FAM107B: variants seen among roughly 807,000 people sequenced by gnomAD.
The protein encoded by FAM107B is protein FAM107B.
In FAM107B, 21 loss-of-function variants were observed where a neutral mutation model predicts 31.5. The ratio of observed to expected loss-of-function variants is 0.67; its 90% CI spans 0.47 to 0.96. The LOEUF (loss-of-function observed/expected upper bound fraction) is 0.96, where lower values mean the gene tolerates loss of function less well. Among genes scored for constraint, FAM107B ranks in the 40% least tolerant of loss-of-function variants. The probability of loss-of-function intolerance (pLI) is 0.00; values close to 1 mark genes in which losing one functional copy is unlikely to be tolerated. For missense variants in FAM107B, 452 were observed against 377.1 expected, an observed-to-expected ratio of 1.20 and a Z score of -1.64; for synonymous variants, 157 against 141.5, an observed-to-expected ratio of 1.11 and a Z score of -0.78.
intron 1 of FAM107B, among the ~76,000 whole-genome samples, chr10:14,752,091 C>A (rs1210944471): frequency 6.6e-6 from 1 of 152,206 alleles, no homozygotes; most frequent in Non-Finnish European, 1.5e-5. Flanking sequence ...GATGTCACTC[C>A]CAGCCTGTTG....
chr10:14,704,703 A>G (rs1415702772), intron 1 of FAM107B, among the ~76,000 whole-genome samples: 2 of 152,316 alleles, frequency 1.3e-5, no homozygotes, highest in South Asian at 2.1e-4. Context: ...ACAACTCGAT[A>G]AGAACAAAAC....
At chr10:14,682,984 C>T (rs1031702321) in intron 1 of FAM107B, among the ~76,000 whole-genome samples, 1 of 152,162 alleles carries the variant, frequency 6.6e-6, no homozygotes, top group African/African-American at 2.4e-5. Flanking sequence ...CCTCCTGCAG[C>T]AAAGACTGCA....
intron 2 of FAM107B, among the ~76,000 whole-genome samples, chr10:14,587,383 A>G (rs1851879233): frequency 6.6e-6 from 1 of 152,212 alleles, no homozygotes; most frequent in Non-Finnish European, 1.5e-5. Flanking sequence ...GAACTCCCAT[A>G]TTTATCCAAT....
chr10:14,625,581 C>T (rs1853139436), intron 2 of FAM107B, among the ~76,000 whole-genome samples: 1 of 152,066 alleles, frequency 6.6e-6, no homozygotes, highest in Non-Finnish European at 1.5e-5. Context: ...CATGGTGTGC[C>T]AAAATAGGCA....
At chr10:14,697,321 T>C (rs1855290081) in intron 1 of FAM107B, among the ~76,000 whole-genome samples, 1 of 152,186 alleles carries the variant, frequency 6.6e-6, no homozygotes, top group African/African-American at 2.4e-5. Flanking sequence ...GTCCCCGAAA[T>C]GGAGGCAGAA....
intron 1 of FAM107B, among the ~76,000 whole-genome samples, chr10:14,737,766 T>TCTCTCTC: frequency 7.9e-6 from 1 of 127,050 alleles, no homozygotes; most frequent in Non-Finnish European, 1.6e-5. Flanking sequence ...CGTGCACGCT[T>TCTCTCTC]TCTCTCTCTC....
At chr10:14,579,449 T>G (rs1475068299) in intron 2 of FAM107B, among the ~76,000 whole-genome samples, 2 of 152,184 alleles carry the variant, frequency 1.3e-5, no homozygotes, top group African/African-American at 4.8e-5. Flanking sequence ...ATCTCACAAT[T>G]AGAATAAACA....
chr10:14,567,388 AGAG>A (rs1445874543), intron 2 of FAM107B, among the ~76,000 whole-genome samples: 1 of 152,240 alleles, frequency 6.6e-6, no homozygotes, highest in East Asian at 1.9e-4. Context: ...GAGTGAAATG[AGAG>A]GAGGAGGGAT....
intron 1 of FAM107B, among the ~76,000 whole-genome samples, chr10:14,736,619 T>C (rs1856306164): frequency 6.6e-6 from 1 of 152,192 alleles, no homozygotes; most frequent in African/African-American, 2.4e-5. Context: ...TATAAATCAA[T>C]GCTATTTTCT....
chr10:14,668,518 G>A (rs184438245), intron 1 of FAM107B, among the ~76,000 whole-genome samples: 7 of 152,294 alleles, frequency 4.6e-5, no homozygotes, highest in Non-Finnish European at 1.0e-4. Flanking sequence ...GTCCTGGTAT[G>A]ATATTCTTTA....
At chr10:14,564,166 G>A (rs75520260) in intron 2 of FAM107B, among the ~76,000 whole-genome samples, 2,822 of 152,050 alleles carry the variant, frequency 0.019, 87 homozygotes, top group African/African-American at 0.064. Flanking sequence ...GTGTAAAGGG[G>A]TCCTGAGGTC....
intron 1 of FAM107B, among the ~76,000 whole-genome samples, chr10:14,715,050 C>G (rs1002353789): frequency 5.3e-4 from 81 of 152,278 alleles, no homozygotes; most frequent in African/African-American, 1.8e-3. Flanking sequence ...CCAGGCCACA[C>G]AAAGTCTCCA....
intron 2 of FAM107B, among the ~76,000 whole-genome samples, chr10:14,631,820 G>A (rs1853361017): frequency 6.6e-6 from 1 of 152,112 alleles, no homozygotes; most frequent in African/African-American, 2.4e-5. Context: ...GAGGTCCAGT[G>A]CAACATGGAA....
intron 1 of FAM107B, among the ~76,000 whole-genome samples, chr10:14,724,377 C>G (rs1855981535): frequency 6.6e-6 from 1 of 152,176 alleles, no homozygotes; most frequent in African/African-American, 2.4e-5. Flanking sequence ...CTCCATTGAA[C>G]TTTGTTGGAA....
At chr10:14,687,075 A>C (rs1252393881) in intron 1 of FAM107B, among the ~76,000 whole-genome samples, 1 of 152,220 alleles carries the variant, frequency 6.6e-6, no homozygotes, top group Non-Finnish European at 1.5e-5. Flanking sequence ...TGGTTCAGTA[A>C]ATAGCTCTCA....
intron 1 of FAM107B, among the ~76,000 whole-genome samples, chr10:14,728,877 G>C (rs1345705426): frequency 2.6e-5 from 4 of 152,180 alleles, no homozygotes; most frequent in African/African-American, 9.7e-5. Flanking sequence ...GCCTGATGGG[G>C]AAATGGCACA....
intron 1 of FAM107B, among the ~76,000 whole-genome samples, chr10:14,753,989 A>G (rs1421120655): frequency 6.9e-6 from 1 of 145,124 alleles, no homozygotes; most frequent in Non-Finnish European, 1.5e-5. Flanking sequence ...CCCAGGCTGG[A>G]GTGCAGTGGC....
chr10:14,552,106 G>A (rs59096944), intron 2 of FAM107B, among the ~76,000 whole-genome samples: 1,612 of 152,202 alleles, frequency 0.011, 29 homozygotes, highest in African/African-American at 0.037. Flanking sequence ...TGAAAAGGAC[G>A]GTCTGTGTGA....
intron 1 of FAM107B, among the ~76,000 whole-genome samples, chr10:14,677,575 G>T (rs535243742): frequency 2.0e-5 from 3 of 151,998 alleles, no homozygotes; most frequent in East Asian, 1.9e-4. Context: ...GAGCAGAGAT[G>T]GCGCCACTGC....
Sources: gnomAD v4.1 joint callset for allele counts (sites outside exome capture counted in the v4.1 genomes callset) on GRCh38, gnomAD v4.1.1 for gene constraint, MANE v1.5 for transcripts, NCBI Gene and HGNC (gene_info 2026-07-23, HGNC 2026-07-21) for gene names.